ZNF215: variants seen among roughly 807,000 people sequenced by gnomAD.
ZNF215 encodes the protein zinc finger protein 215, also known as BWSCR2-associated zinc finger protein 2.
In ZNF215, 24 loss-of-function variants were observed where a neutral mutation model predicts 27.2. The ratio of observed to expected loss-of-function variants is 0.88; its 90% CI spans 0.64 to 1.24. The LOEUF is 1.24. Ranked by LOEUF, ZNF215 falls within the 50% of genes most tolerant of loss-of-function variation. The pLI is 0.00. For missense variants in ZNF215, 675 were observed against 605.7 expected (o/e 1.11, Z -1.20); for synonymous variants, 210 against 204.0 (o/e 1.03, Z -0.25).
intron 6 of ZNF215, among the ~76,000 whole-genome samples, chr11:6,948,444 T>A (rs556930974): frequency 6.6e-6 from 1 of 150,424 alleles, no homozygotes; most frequent in African/African-American, 2.5e-5. Context: ...AGATTTGATA[T>A]GGGAGACGAA....
At chr11:6,958,645 G>A (rs1850453579), downstream of ZNF215, among the ~76,000 whole-genome samples, 1 of 152,148 alleles carries the variant, frequency 6.6e-6, no homozygotes. Context: ...AAGGAGTATT[G>A]ATTTACACTG....
intron 5 of ZNF215, among the ~76,000 whole-genome samples, chr11:6,971,596 G>T (rs1206138958): frequency 6.6e-6 from 1 of 151,982 alleles, no homozygotes; most frequent in Admixed American, 6.6e-5. Flanking sequence ...GAAAATCTTT[G>T]AGTTCTTTGA....
In ZNF215 at chr11:6,955,936, C is replaced by CTAT; in HGVS notation, c.960_962dup (p.Ile321dup). ...ATTAATTCAGTTAGCTCAATTTGTG[C>CTAT]TATACAAGTGGGAATTCCTTCAAGA... On this transcript the variant is annotated inframe_insertion, in exon 7 of 7. Coordinates refer to ENST00000278319, the MANE Select transcript of ZNF215 (RefSeq NM_013250.4). 2 of 1,612,776 alleles carry CTAT rather than the reference C, an allele frequency of 1.2e-6. No homozygotes were observed. The highest frequency in any genetic ancestry group is 1.7e-6 in the Non-Finnish European group (2 of 1,179,668).
chr11:6,978,408 T>C (rs1182272141), intron 5 of ZNF215, among the ~76,000 whole-genome samples: 1 of 152,042 alleles, frequency 6.6e-6, no homozygotes, highest in Non-Finnish European at 1.5e-5. Flanking sequence ...TGGATGGTGT[T>C]GGCGACTGAT....
Position 6,956,517 on chromosome 11 carries a change from C to G in ZNF215, c.1540C>G (p.Arg514Gly), listed in dbSNP as rs140304676. 1.9e-6 allele frequency: 3 copies of G among 1,585,522 alleles called. No individual in the cohort carries two copies. Among genetic ancestry groups the G allele is most frequent in the East Asian group, 4.5e-5 (2 of 44,646 alleles). Residue 514 changes from arginine to glycine, a missense_variant, in exon 7 of 7, where the codon CGA becomes GGA. Physicochemically the swap from Arg to Gly is moderately radical, Grantham distance 125. Coordinates refer to ENST00000278319, the MANE Select transcript of ZNF215 (RefSeq NM_013250.4). ...TGTTAAACATCAAAAACTGCATACT[C>G]GAGATAAGTCCTGAAAAAAGAAAAA... ...NLVKHQKLHT[R>G]DKS
downstream of ZNF215, among the ~76,000 whole-genome samples, chr11:6,959,103 G>C (rs531756719): frequency 2.0e-5 from 3 of 152,028 alleles, no homozygotes; most frequent in Non-Finnish European, 4.4e-5. Context: ...TCACATATTT[G>C]AGTTTTACTA....
At chr11:6,939,591 A>G (rs990094041) in intron 3 of ZNF215, among the ~76,000 whole-genome samples, 1 of 152,186 alleles carries the variant, frequency 6.6e-6, no homozygotes, top group Non-Finnish European at 1.5e-5. Context: ...GGATAGAAAA[A>G]GGTGCCTTTG....
chr11:6,971,435 C>T (rs1850716093), intron 5 of ZNF215, among the ~76,000 whole-genome samples: 1 of 152,076 alleles, frequency 6.6e-6, no homozygotes, highest in African/African-American at 2.4e-5. Context: ...AATGCCTTCT[C>T]CTCTATCTCC....
In ZNF215 at chr11:6,943,586, G is replaced by A; in HGVS notation, c.657G>A (p.Glu219=). Residue 219 remains glutamate, a synonymous_variant, in exon 6 of 7, where the codon GAG becomes GAA. Coordinates refer to ENST00000278319, the MANE Select transcript of ZNF215 (RefSeq NM_013250.4). ...LSKPFESLKL[E]SKKKRWIMEK... is the part of the protein sequence containing the mutation. ...AACCATTTGAGAGCCTTAAGTTGGAGAGTAAGAAAAAAAGATGGATAATGG... is the reference window on the plus strand; with the variant it reads ...AACCATTTGAGAGCCTTAAGTTGGAAAGTAAGAAAAAAAGATGGATAATGG... 1 of 1,613,958 alleles carries A rather than the reference G, an allele frequency of 6.2e-7. No individual in the cohort carries two copies.
chr11:6,974,876 C>T (rs1256475296), intron 5 of ZNF215, among the ~76,000 whole-genome samples: 3 of 152,060 alleles, frequency 2.0e-5, no homozygotes, highest in Non-Finnish European at 4.4e-5. Flanking sequence ...TAATTGAATG[C>T]CCTTTATTTC....
At chr11:6,992,762 G>C (rs1213691597), downstream of ZNF215, among the ~76,000 whole-genome samples, 1 of 152,116 alleles carries the variant, frequency 6.6e-6, no homozygotes, top group Non-Finnish European at 1.5e-5. Context: ...CTTTCATTCT[G>C]GGACATCTGA....
chr11:6,937,783 C>G (rs2595400), intron 3 of ZNF215, among the ~76,000 whole-genome samples: 1 of 151,856 alleles, frequency 6.6e-6, no homozygotes, highest in African/African-American at 2.4e-5. Flanking sequence ...TGCTGGGACC[C>G]CTTGATTTCC....
chr11:6,985,713 G>C (rs780048869), downstream of ZNF215, among the ~76,000 whole-genome samples: 21 of 152,078 alleles, frequency 1.4e-4, no homozygotes, highest in Non-Finnish European at 2.6e-4. Context: ...TCAATGTACA[G>C]AAATCAGTAG....
chr11:6,980,431 C>G (rs1409337006), intron 5 of ZNF215, among the ~76,000 whole-genome samples: 1 of 151,876 alleles, frequency 6.6e-6, no homozygotes, highest in Non-Finnish European at 1.5e-5. Flanking sequence ...TAAAATACTT[C>G]AAAGTTTTAA....
intron 5 of ZNF215, among the ~76,000 whole-genome samples, chr11:6,968,836 A>G (rs1850672506): frequency 6.6e-6 from 1 of 152,112 alleles, no homozygotes. Flanking sequence ...ATTGAACTCC[A>G]GCCTGGGCAA....
chr11:6,969,109 C>T (rs1302149672), intron 5 of ZNF215, among the ~76,000 whole-genome samples: 1 of 152,070 alleles, frequency 6.6e-6, no homozygotes, highest in Non-Finnish European at 1.5e-5. Context: ...GGATTTGATT[C>T]AGGTTTCCAT....
chr11:6,955,954 C>T lies in ZNF215; in HGVS notation c.977C>T (p.Pro326Leu). The T allele has an allele frequency of 6.2e-7, 1 of 1,612,926 alleles. No individual in the cohort carries two copies. Residue 326 changes from proline (P) to leucine (L), a missense_variant, in exon 7 of 7, where the codon CCT becomes CTT. By Grantham distance (98) the Pro-to-Leu change is moderately conservative (BLOSUM62 -3). Transcript: ENST00000278319. ...SSICAIQVGI[P>L]SRKGSPKCDK... The stretch of plus-strand genomic sequence containing the variant: ...ATTTGTGCTATACAAGTGGGAATTC[C>T]TTCAAGAAAGGGGTCTCCAAAATGT...
downstream of ZNF215, among the ~76,000 whole-genome samples, chr11:6,985,871 TAAATC>T (rs963728577): frequency 3.0e-4 from 46 of 151,924 alleles, no homozygotes; most frequent in Admixed American, 5.2e-4. Flanking sequence ...AAAACACTGT[TAAATC>T]AAAGATGACA....
intron 3 of ZNF215, among the ~76,000 whole-genome samples, chr11:6,938,136 C>T (rs1350290046): frequency 3.3e-5 from 5 of 151,860 alleles, no homozygotes; most frequent in African/African-American, 9.7e-5. Flanking sequence ...AGAACTCTTA[C>T]AATTCAATAA....
Sources: allele counts gnomAD v4.1 joint callset (sites outside exome capture counted in the v4.1 genomes callset), GRCh38; gene constraint gnomAD v4.1.1; transcripts MANE v1.5; gene names NCBI Gene and HGNC (gene_info 2026-07-23, HGNC 2026-07-21).